The following PARP4 variants were observed in gnomAD, a reference collection of about 807,000 sequenced individuals.
PARP4 encodes the protein protein mono-ADP-ribosyltransferase PARP4.
PARP4 carries 120 observed loss-of-function variants against 187.7 expected under a neutral mutation model. The ratio of observed to expected loss-of-function variants is 0.64; its 90% CI spans 0.55 to 0.74. The LOEUF (loss-of-function observed/expected upper bound fraction) is 0.74. PARP4 is among the 30% of genes least tolerant of loss of function. The probability of loss-of-function intolerance (pLI) is 0.00; values close to 1 mark genes in which losing one functional copy is unlikely to be tolerated. For synonymous variants in PARP4, 654 were observed against 740.9 expected (o/e 0.88, Z 1.90); for missense variants, 1,836 against 2,070.5 (o/e 0.89, Z 2.20).
In PARP4 at chr13:24,478,117, T is replaced by C; in HGVS notation, c.1608A>G (p.Thr536=). The C allele has an allele frequency of 6.2e-7, 1 of 1,606,488 alleles. No homozygotes were observed. The highest frequency in any genetic ancestry group is 8.5e-7 in the Non-Finnish European group (1 of 1,176,260). ...CCTCAAAGTCTGTGGTGACAGAGGCTGTTTGCGAAACTCCATGCACACTGT... is the reference window on the plus strand; with the variant it reads ...CCTCAAAGTCTGTGGTGACAGAGGCCGTTTGCGAAACTCCATGCACACTGT... The part of the protein sequence containing the change: ...GYDSVHGVSQ[T]ASVTTDFEDD... Residue 536 remains threonine (T), a synonymous_variant, in exon 13 of 34, where the codon ACA becomes ACG. Coordinates refer to ENST00000381989, the MANE Select transcript of PARP4 (RefSeq NM_006437.4).
Position 24,455,080 on chromosome 13 carries a change from C to G in PARP4, c.2695G>C (p.Ala899Pro). The G allele has an allele frequency of 6.2e-7, 1 of 1,612,792 alleles. No individual in the cohort carries two copies. Among genetic ancestry groups the G allele is most frequent in the Non-Finnish European group, 8.5e-7 (1 of 1,179,112 alleles). Residue 899 changes from alanine (A) to proline (P), a missense_variant, in exon 22 of 34, where the codon GCC (alanine) becomes CCC (proline). Around this residue, in one of 8 missense-constraint regions of PARP4, gnomAD observed 1,147 missense variants for 1,214.2 expected, o/e 0.94. Transcript: ENST00000381989. ...GVTFLQAKQI[A>P]LHALSLVGEK... ...CCCACCAAGGACAGCGCATGCAAGG[C>G]GATTTGCTTGGCTTGCAAGAATGTC...
intron 21 of PARP4, among the ~76,000 whole-genome samples, chr13:24,455,480 A>T (rs1466964660): frequency 8.3e-5 from 9 of 108,400 alleles, no homozygotes; most frequent in Admixed American, 4.1e-4. Context: ...TTATGGAACA[A>T]ATATATATAT....
Position 24,455,222 on chromosome 13 carries a change from G to A in PARP4, c.2563-10C>T, listed in dbSNP as rs781307903. ...AGACAAGCATGCAAGCCTGAAAGGA[G>A]AAAGAAGGTGCTGGACTGGAGCTTC... On this transcript the variant is annotated splice_polypyrimidine_tract_variant and intron_variant, in intron 21 of 33. Coordinates refer to ENST00000381989, the MANE Select transcript of PARP4 (RefSeq NM_006437.4). 12 of 1,567,580 alleles carry A rather than the reference G, an allele frequency of 7.7e-6. No individual in the cohort carries two copies. In the African/African-American group the frequency reaches 8.1e-5, roughly 11 times the overall value.
intron 10 of PARP4, among the ~76,000 whole-genome samples, chr13:24,488,411 T>C (rs1429800297): frequency 6.6e-6 from 1 of 152,202 alleles, no homozygotes; most frequent in Non-Finnish European, 1.5e-5. Context: ...TGGAGTGCAG[T>C]GGTGCAATCC....
chr13:24,446,716 C>T lies in PARP4; in HGVS notation c.3331G>A (p.Val1111Met), dbSNP rs753587247. 2 of 1,603,032 alleles carry T rather than the reference C, an allele frequency of 1.2e-6. No individual in the cohort carries two copies. The highest frequency in any genetic ancestry group is 2.2e-5 in the East Asian group (1 of 44,824). The change falls in exon 27 of 34, where the codon GTG becomes ATG. Residue 1111 changes from valine (V) to methionine (M), a missense_variant. By Grantham distance (21) the Val-to-Met change is conservative. Coordinates refer to ENST00000381989, the MANE Select transcript of PARP4 (RefSeq NM_006437.4). ...GTCTTCTGAAGCTCAGTAGTCGACA[C>T]CATTGTACGAAATTCTTTCTCTTGA... is the stretch of plus-strand genomic sequence containing the variant. ...LIQEKEFRTM[V>M]STTELQKTTG... is the part of the protein sequence containing the mutation.
chr13:24,437,296 C>A (rs2137445923), intron 30 of PARP4, among the ~76,000 whole-genome samples: 1 of 152,104 alleles, frequency 6.6e-6, no homozygotes, highest in African/African-American at 2.4e-5. Flanking sequence ...AAAGTATAAT[C>A]TCTGACTAGG....
chr13:24,451,779 G>A (rs9581050), intron 24 of PARP4, among the ~76,000 whole-genome samples: 23,833 of 152,178 alleles, frequency 0.16, 2,442 homozygotes, highest in African/African-American at 0.28. Context: ...CACATACACC[G>A]CATACCTTAG....
At chr13:24,425,168 G>A (rs765836939) in intron 33 of PARP4, among the ~76,000 whole-genome samples, 16 of 152,126 alleles carry the variant, frequency 1.1e-4, no homozygotes, top group Non-Finnish European at 2.1e-4. Context: ...GGGCGTGGTG[G>A]TGCACACCTG....
In PARP4 at chr13:24,486,803, T is replaced by A. The variant is rs1336207060; in HGVS notation, c.1215-498A>T. ...CCCGTCTCTCCTAAAAATACAAAAA[T>A]TAGCAGGGCATGGTGGTGCACACCT... On this transcript the variant is annotated intron_variant, in intron 10 of 33. Coordinates refer to ENST00000381989, the MANE Select transcript of PARP4 (RefSeq NM_006437.4). Among the ~76,000 whole-genome samples the A allele has an allele frequency of 8.5e-5, 13 of 152,104 alleles. No individual in the cohort carries two copies. In the East Asian group the frequency reaches 2.5e-3, roughly 29 times the overall value.
At chr13:24,501,524 A>AT (rs60369840) in intron 3 of PARP4, 109 bp downstream of exon 3, 412 of 721,894 alleles carry the variant, frequency 5.7e-4, no homozygotes, top group South Asian at 6.5e-4. Context: ...AATAAGTCTA[A>AT]TTTTTTTTTA....
intron 12 of PARP4, among the ~76,000 whole-genome samples, chr13:24,481,461 G>A (rs1873278806): frequency 6.6e-6 from 1 of 152,220 alleles, no homozygotes; most frequent in African/African-American, 2.4e-5. Flanking sequence ...GGGAGGCCAA[G>A]GCAGGCAGAT....
intron 17 of PARP4, 102 bp from the exon 18 acceptor site, chr13:24,460,238 A>G (rs1872141958): frequency 1.0e-6 from 1 of 956,858 alleles, no homozygotes; most frequent in South Asian, 1.6e-5. Flanking sequence ...ACAACCTGCC[A>G]AATTCTTCCT....
chr13:24,425,551 G>A (rs1411580673), intron 33 of PARP4, among the ~76,000 whole-genome samples: 21 of 51,964 alleles, frequency 4.0e-4, no homozygotes, highest in African/African-American at 1.0e-3. Flanking sequence ...GCATGTGTGT[G>A]TGTGTGTGTG....
intron 22 of PARP4, among the ~76,000 whole-genome samples, chr13:24,454,412 C>A (rs73460723): frequency 0.054 from 8,154 of 152,216 alleles, 710 homozygotes; most frequent in African/African-American, 0.18. Flanking sequence ...ATAAGACTGT[C>A]CCCTCACTCC....
intron 17 of PARP4, among the ~76,000 whole-genome samples, chr13:24,466,736 T>C (rs919522605): frequency 1.4e-5 from 2 of 146,742 alleles, no homozygotes; most frequent in Admixed American, 7.0e-5. Context: ...AGAGGTTAGG[T>C]TGCAGTGAGC....
intron 15 of PARP4, among the ~76,000 whole-genome samples, chr13:24,474,541 A>C (rs1872885008): frequency 6.6e-6 from 1 of 150,990 alleles, no homozygotes; most frequent in South Asian, 2.1e-4. Flanking sequence ...CCTTCTCTCA[A>C]GGACCACTCT....
chr13:24,511,636 C>T (rs929829078), intron 1 of PARP4, among the ~76,000 whole-genome samples: 4 of 152,240 alleles, frequency 2.6e-5, no homozygotes, highest in Non-Finnish European at 5.9e-5. Flanking sequence ...ATTTCCTCCT[C>T]TCGGAAAACC....
chr13:24,478,485 G>A (rs1324432522), intron 12 of PARP4, among the ~76,000 whole-genome samples: 1 of 151,972 alleles, frequency 6.6e-6, no homozygotes, highest in Non-Finnish European at 1.5e-5. Context: ...ACTCAGGCTA[G>A]GGTGCAGTGG....
intron 25 of PARP4, 50 bp downstream of exon 25, chr13:24,449,668 A>G: frequency 2.0e-6 from 2 of 1,020,286 alleles, no homozygotes; most frequent in Non-Finnish European, 3.1e-6. Context: ...TCTCGGAAGA[A>G]TAAGAGATTT....
Sources: gnomAD v4.1 joint callset for allele counts (sites outside exome capture counted in the v4.1 genomes callset) on GRCh38, gnomAD v4.1.1 for gene constraint, gnomAD v4.1.1 regional missense constraint, MANE v1.5 for transcripts, NCBI Gene and HGNC (gene_info 2026-07-23, HGNC 2026-07-21) for gene names.